The following LEMD2 variants were observed in gnomAD, a reference collection of about 807,000 sequenced individuals.
LEMD2 encodes the protein LEM domain-containing protein 2.
A neutral mutation model predicts 58.8 loss-of-function variants in LEMD2; 34 were observed. That is an observed-to-expected ratio of 0.58 (90% CI 0.44 to 0.77). The LOEUF (loss-of-function observed/expected upper bound fraction) is 0.77. Among genes scored for constraint, LEMD2 ranks in the 30% least tolerant of loss-of-function variants. The pLI is 0.00. For synonymous variants in LEMD2, 298 were observed against 308.9 expected (o/e 0.96, Z 0.37); for missense variants, 629 against 717.9 (o/e 0.88, Z 1.42).
intron 4 of LEMD2, chr6:33,780,441 C>T (rs781711532): frequency 7.2e-5 from 36 of 503,138 alleles, no homozygotes; most frequent in African/African-American, 9.7e-5. Context: ...ATGATTCTCT[C>T]GAGGATGGAA....
At chr6:33,776,584 C>G (rs1430953794) in intron 8 of LEMD2, 1 of 269,240 alleles carries the variant, frequency 3.7e-6, no homozygotes, top group Non-Finnish European at 7.4e-6. Flanking sequence ...CCTGACTGTT[C>G]TGTGCCTGGA....
At chr6:33,784,477 G>GGGGGGGGCCCCCCCCC in intron 2 of LEMD2, 50 bp from the exon 3 acceptor site, 3 of 430,770 alleles carry the variant, frequency 7.0e-6, no homozygotes, top group Non-Finnish European at 9.5e-6. Context: ...GGTGGGAGGG[G>GGGGGGGGCCCCCCCCC]TCCGTCTGTC....
chr6:33,778,124 C>A lies in LEMD2; in HGVS notation c.1156+118G>T, dbSNP rs540004180. Reference sequence around the variant, plus strand: ...CATCTCCTCTGTTTTATGAGACAGACCTCAGGTTCACTAGACAGAAATGAA... The same window carrying A: ...CATCTCCTCTGTTTTATGAGACAGAACTCAGGTTCACTAGACAGAAATGAA... On this transcript the variant is annotated intron_variant, in intron 6 of 8. Coordinates refer to ENST00000293760, the MANE Select transcript of LEMD2 (RefSeq NM_181336.4). The surrounding 1 kb of genome is among the most constrained non-coding windows in gnomAD (Gnocchi z 4.7). The A allele has an allele frequency of 2.2e-4, 213 of 985,106 alleles. No homozygotes were observed. The highest frequency in any genetic ancestry group is 2.7e-4 in the Non-Finnish European group (195 of 709,378). The allele number at this position is 985,106 out of a possible 1,614,324, so 61.0% of individuals were successfully genotyped here.
intron 3 of LEMD2, among the ~76,000 whole-genome samples, chr6:33,783,116 C>T (rs1333722832): frequency 6.6e-6 from 1 of 152,214 alleles, no homozygotes; most frequent in Non-Finnish European, 1.5e-5. Flanking sequence ...TTCTGAATTT[C>T]TAGTGAGCTC....
At chr6:33,773,641 C>CAA in intron 8 of LEMD2, among the ~76,000 whole-genome samples, 1 of 151,738 alleles carries the variant, frequency 6.6e-6, no homozygotes, top group South Asian at 2.1e-4. Context: ...TGTCACCAAC[C>CAA]AAACCCCATG....
Position 33,771,700 on chromosome 6 carries a change from C to G in LEMD2, c.*928G>C, listed in dbSNP as rs2127376267. On this transcript the variant is annotated 3_prime_UTR_variant, in exon 9 of 9. Transcript: ENST00000293760. The stretch of plus-strand genomic sequence containing the variant: ...GGCAGGGGGCAGCCTGCAGCCACTG[C>G]GCCTCTCCCGCCGCCAAGAGCCGCG... 1 of 152,348 alleles carries G rather than the reference C, an allele frequency of 6.6e-6. No individual in the cohort carries two copies. Among genetic ancestry groups the G allele is most frequent in the Non-Finnish European group, 1.5e-5 (1 of 68,024 alleles). The allele number at this position is 152,348 out of a possible 1,614,324, so 9.4% of individuals were successfully genotyped here. A position where few individuals can be genotyped will look rare whatever the true frequency, so the allele number is the denominator to read the frequency against.
chr6:33,784,478 T>TGGGGGGGGGGGGGGGGCCCCCCCCCA, intron 2 of LEMD2, 51 bp from the exon 3 acceptor site: 1 of 428,704 alleles, frequency 2.3e-6, no homozygotes, highest in Non-Finnish European at 4.8e-6. Context: ...GTGGGAGGGG[T>TGGGGGGGGGGGGGGGGCCCCCCCCCA]CCGTCTGTCC....
intron 8 of LEMD2, among the ~76,000 whole-genome samples, chr6:33,776,044 A>T (rs1767422890): frequency 6.6e-6 from 1 of 151,876 alleles, no homozygotes; most frequent in Admixed American, 6.6e-5. Flanking sequence ...TTCTGTCAGG[A>T]CCCCAGTGTA....
At chr6:33,774,705 C>T (rs1402716702) in intron 8 of LEMD2, among the ~76,000 whole-genome samples, 1 of 152,208 alleles carries the variant, frequency 6.6e-6, no homozygotes, top group Non-Finnish European at 1.5e-5. Context: ...ACTGAGATTA[C>T]AGGCATGAGC....
Position 33,788,858 on chromosome 6 carries a change from G to T in LEMD2, c.259C>A (p.Pro87Thr). ...RPAAASPRAE[P>T]WLSQPASGSA... ...CCCGAGGCCGGCTGGGAGAGCCAGG[G>T]CTCCGCCCGCGGAGAGGCCGCGGCG... The change falls in exon 1 of 9, where the codon CCC becomes ACC. Residue 87 changes from proline (P) to threonine (T), a missense_variant. Physicochemically the swap from Pro to Thr is conservative, Grantham distance 38. Transcript: ENST00000293760. 1 of 1,384,234 alleles carries T rather than the reference G, an allele frequency of 7.2e-7. No individual in the cohort carries two copies. Among genetic ancestry groups the T allele is most frequent in the Non-Finnish European group, 9.3e-7 (1 of 1,076,536 alleles). The allele number at this position is 1,384,234 out of a possible 1,614,324, so 85.7% of individuals were successfully genotyped here.
chr6:33,781,408 G>A, intron 3 of LEMD2: 1 of 478,672 alleles, frequency 2.1e-6, no homozygotes, highest in Non-Finnish European at 3.7e-6. Context: ...CTGCCCAATA[G>A]CAAGGTCTCT....
At chr6:33,786,983 G>C (rs915924467) in intron 1 of LEMD2, 3 of 1,153,970 alleles carry the variant, frequency 2.6e-6, no homozygotes, top group Non-Finnish European at 3.5e-6. Context: ...ACGATAGCTG[G>C]GTCCTTGTCC....
chr6:33,784,469 T>TGTGG, intron 2 of LEMD2, 42 bp from the exon 3 acceptor site: 1 of 36,548 alleles, frequency 2.7e-5, no homozygotes. Flanking sequence ...GAGGGGTGGG[T>TGTGG]GGGAGGGGTC....
chr6:33,777,074 C>A lies in LEMD2; in HGVS notation c.1259-18G>T. The A allele has an allele frequency of 6.2e-7, 1 of 1,612,408 alleles. No individual in the cohort carries two copies. The highest frequency in any genetic ancestry group is 1.3e-5 in the African/African-American group (1 of 75,008). ...GACCACGTCTGCAGGAGAGAGCACACCATTTAGGGCAAGGACCCTCTGGCT... is the reference window on the plus strand; with the variant it reads ...GACCACGTCTGCAGGAGAGAGCACAACATTTAGGGCAAGGACCCTCTGGCT... On this transcript the variant is annotated intron_variant, in intron 7 of 8. Transcript: ENST00000293760.
chr6:33,780,383 G>A (rs1225413198), intron 4 of LEMD2: 44 of 594,276 alleles, frequency 7.4e-5, no homozygotes, highest in Non-Finnish European at 1.1e-4. Context: ...GAGGTGATGC[G>A]GAAGCACAAG....
At chr6:33,780,275 C>A in intron 4 of LEMD2, 96 bp from the exon 5 acceptor site, 1 of 1,053,692 alleles carries the variant, frequency 9.5e-7, no homozygotes, top group South Asian at 1.4e-5. Context: ...CTCCCGTGTC[C>A]TCCACAGCCC....
In LEMD2 at chr6:33,775,665, A is replaced by T. The variant is rs202179331; in HGVS notation, c.1361+1289T>A. On this transcript the variant is annotated intron_variant, in intron 8 of 8. Transcript: ENST00000293760. ...TTTTCTGATTCCTCTTGGGTTGCAGATAGGGATGATGTTGACAGTAGAGCC... is the reference window on the plus strand; with the variant it reads ...TTTTCTGATTCCTCTTGGGTTGCAGTTAGGGATGATGTTGACAGTAGAGCC... Among the ~76,000 whole-genome samples, 41 of 152,292 alleles carry T rather than the reference A, an allele frequency of 2.7e-4. No individual in the cohort carries two copies. The East Asian group carries it at 7.3e-3, about 27-fold the overall frequency.
chr6:33,774,517 C>A (rs1212657437), intron 8 of LEMD2, among the ~76,000 whole-genome samples: 1 of 150,776 alleles, frequency 6.6e-6, no homozygotes, highest in African/African-American at 2.5e-5. Context: ...GCAACCTCCA[C>A]CTCTTGGGTT....
At chr6:33,784,477 G>GGGGGGGGGGGGGGGGCCCCCCC in intron 2 of LEMD2, 50 bp from the exon 3 acceptor site, 1 of 430,802 alleles carries the variant, frequency 2.3e-6, no homozygotes. Context: ...GGTGGGAGGG[G>GGGGGGGGGGGGGGGGCCCCCCC]TCCGTCTGTC....
Sources: gnomAD v4.1 joint callset for allele counts (sites outside exome capture counted in the v4.1 genomes callset) on GRCh38, gnomAD v4.1.1 for gene constraint, Gnocchi (gnomAD v3.1) non-coding constraint, MANE v1.5 for transcripts, NCBI Gene and HGNC (gene_info 2026-07-23, HGNC 2026-07-21) for gene names.